TEX2: variants seen among roughly 807,000 people sequenced by gnomAD.
TEX2 encodes the protein testis-expressed protein 2.
Under a neutral mutation model 106.9 loss-of-function variants are expected in TEX2, and 53 were observed. The ratio of observed to expected loss-of-function variants is 0.50; its 90% CI spans 0.40 to 0.62. TEX2 has a LOEUF of 0.62. Among genes scored for constraint, TEX2 ranks in the 20% least tolerant of loss-of-function variants. The pLI is 0.00. For missense variants in TEX2, 1,207 were observed against 1,379.0 expected, an observed-to-expected ratio of 0.88 and a Z score of 1.98; for synonymous variants, 523 against 534.8, an observed-to-expected ratio of 0.98 and a Z score of 0.30.
chr17:64,227,074 A>C (rs1254442815), intron 1 of TEX2, among the ~76,000 whole-genome samples: 1 of 152,012 alleles, frequency 6.6e-6, no homozygotes, highest in Non-Finnish European at 1.5e-5. Flanking sequence ...GAAAATACAA[A>C]AATTAGCTGG....
intron 6 of TEX2, among the ~76,000 whole-genome samples, chr17:64,172,092 C>T (rs1005007126): frequency 1.5e-4 from 23 of 151,544 alleles, no homozygotes; most frequent in Non-Finnish European, 1.8e-4. Flanking sequence ...CAGTGGCTCA[C>T]GCCTGTAATC....
chr17:64,246,276 C>G (rs1053803698), intron 1 of TEX2, among the ~76,000 whole-genome samples: 1 of 152,154 alleles, frequency 6.6e-6, no homozygotes, highest in Admixed American at 6.5e-5. Flanking sequence ...GACAGAGTCT[C>G]GCTCTGTTGC....
chr17:64,200,236 T>C (rs578081289), intron 2 of TEX2, among the ~76,000 whole-genome samples: 20 of 152,330 alleles, frequency 1.3e-4, no homozygotes, highest in Admixed American at 1.1e-3. Context: ...AAACAAGACA[T>C]ACAGGCATGT....
chr17:64,187,471 G>C (rs986365814), intron 5 of TEX2, among the ~76,000 whole-genome samples: 3 of 151,900 alleles, frequency 2.0e-5, no homozygotes, highest in African/African-American at 7.3e-5. Flanking sequence ...ACCACCTACT[G>C]TCACTACCTT....
At chr17:64,179,624 C>A (rs1371437014) in intron 5 of TEX2, among the ~76,000 whole-genome samples, 1 of 152,184 alleles carries the variant, frequency 6.6e-6, no homozygotes, top group Non-Finnish European at 1.5e-5. Flanking sequence ...ACATACATTG[C>A]CACAGCCTGT....
intron 1 of TEX2, among the ~76,000 whole-genome samples, chr17:64,234,963 G>T (rs188533136): frequency 6.6e-6 from 1 of 152,042 alleles, no homozygotes; most frequent in Non-Finnish European, 1.5e-5. Context: ...TTTAGGTACT[G>T]GGCAGCGCAT....
At chr17:64,247,306 A>T (rs2034007666) in intron 1 of TEX2, among the ~76,000 whole-genome samples, 1 of 151,886 alleles carries the variant, frequency 6.6e-6, no homozygotes, top group Admixed American at 6.6e-5. Context: ...AGAAAGAAAG[A>T]AGAAGGCAGA....
rs2033210646 is a variant in TEX2 at position 64,217,178 on chromosome 17, C to T, written c.-25-2936G>A. Among the ~76,000 whole-genome samples, 1 of 152,194 alleles carries T rather than the reference C, an allele frequency of 6.6e-6. No homozygotes were observed. Among genetic ancestry groups the T allele is most frequent in the South Asian group, 2.1e-4 (1 of 4,834 alleles). ...GCTGGGTAATTGAGTGTGCTAGAACCAGAGACCATGGTTTGGGCTCTAGAC... is the reference window on the plus strand; with the variant it reads ...GCTGGGTAATTGAGTGTGCTAGAACTAGAGACCATGGTTTGGGCTCTAGAC... On this transcript the variant is annotated intron_variant, in intron 1 of 11. Coordinates refer to ENST00000584379, the MANE Select transcript of TEX2 (RefSeq NM_001288732.2). The surrounding 1 kb of genome is among the most constrained non-coding windows in gnomAD (Gnocchi z 4.3).
intron 8 of TEX2, among the ~76,000 whole-genome samples, chr17:64,157,912 T>C (rs541214135): frequency 6.6e-6 from 1 of 152,302 alleles, no homozygotes; most frequent in East Asian, 1.9e-4. Context: ...CCAAGTGCCT[T>C]ATAGGAAACA....
intron 8 of TEX2, chr17:64,155,584 AC>A (rs2030584426): frequency 6.6e-6 from 1 of 152,184 alleles, no homozygotes; most frequent in South Asian, 2.1e-4. Flanking sequence ...ATACACACAC[AC>A]ACACAAAAAG....
chr17:64,223,357 C>CTTTT (rs71158308), intron 1 of TEX2, among the ~76,000 whole-genome samples: 14 of 113,086 alleles, frequency 1.2e-4, no homozygotes, highest in Admixed American at 5.4e-4. Context: ...CTGAATCTGG[C>CTTTT]TTTTTTTTTT....
At chr17:64,237,893 T>G (rs782074166) in intron 1 of TEX2, among the ~76,000 whole-genome samples, 3 of 152,130 alleles carry the variant, frequency 2.0e-5, no homozygotes, top group Non-Finnish European at 2.9e-5. Flanking sequence ...AGACTAACAG[T>G]TCCTTACAAA....
At chr17:64,177,875 G>A (rs1009576923) in intron 5 of TEX2, among the ~76,000 whole-genome samples, 3 of 152,126 alleles carry the variant, frequency 2.0e-5, no homozygotes, top group Admixed American at 6.5e-5. Context: ...GTGCTCATCC[G>A]GGCAGACGCC....
Position 64,213,383 on chromosome 17 carries a change from T to C in TEX2, c.835A>G (p.Lys279Glu). Residue 279 changes from lysine (K) to glutamate (E), a missense_variant, in exon 2 of 12, where the codon AAA becomes GAA. Physicochemically the swap from Lys to Glu is moderately conservative, Grantham distance 56. Around this residue, in one of 3 missense-constraint regions of TEX2, gnomAD observed 1,067 missense variants for 1,193.6 expected, o/e 0.89. Transcript: ENST00000584379. This position sits in a 1 kb window ranked among gnomAD's most constrained non-coding sequence, Gnocchi z 4.4. The part of the protein sequence containing the change: ...TSPSDTRSFF[K>E]VPEMEAKIED... ...ATTTTAGCCTCCATTTCGGGCACTT[T>C]AAAAAAGGAACGAGTATCAGAGGGA... 6.2e-7 allele frequency: 1 copy of C among 1,613,986 alleles called. No individual in the cohort carries two copies. The highest frequency in any genetic ancestry group is 8.5e-7 in the Non-Finnish European group (1 of 1,180,014).
intron 1 of TEX2, among the ~76,000 whole-genome samples, chr17:64,247,344 A>C (rs2034008497): frequency 6.6e-6 from 1 of 152,130 alleles, no homozygotes; most frequent in South Asian, 2.1e-4. Context: ...AAAAGAGGCA[A>C]ACCCAAGAAA....
At chr17:64,225,945 T>C (rs1315829285) in intron 1 of TEX2, among the ~76,000 whole-genome samples, 1 of 152,184 alleles carries the variant, frequency 6.6e-6, no homozygotes, top group Non-Finnish European at 1.5e-5. Context: ...CTTGAACTCC[T>C]GGCCTCAGGT....
chr17:64,245,414 C>T (rs1412932836), intron 1 of TEX2, among the ~76,000 whole-genome samples: 1 of 152,158 alleles, frequency 6.6e-6, no homozygotes, highest in Non-Finnish European at 1.5e-5. Flanking sequence ...TCTAGAAATG[C>T]TATGCCTATA....
intron 7 of TEX2, among the ~76,000 whole-genome samples, chr17:64,167,192 T>A (rs1296347547): frequency 1.3e-5 from 2 of 152,210 alleles, no homozygotes; most frequent in Non-Finnish European, 2.9e-5. Context: ...CAAGCCAACA[T>A]GGCCATTGTG....
chr17:64,251,299 C>T (rs2034086404), intron 1 of TEX2, among the ~76,000 whole-genome samples: 1 of 152,170 alleles, frequency 6.6e-6, no homozygotes, highest in African/African-American at 2.4e-5. Flanking sequence ...ACTTTGGTAC[C>T]TAGAATGCTA....
Sources: allele counts gnomAD v4.1 joint callset (sites outside exome capture counted in the v4.1 genomes callset), GRCh38; gene constraint gnomAD v4.1.1; regional missense constraint gnomAD v4.1.1; non-coding constraint Gnocchi (gnomAD v3.1); transcripts MANE v1.5; gene names NCBI Gene and HGNC (gene_info 2026-07-23, HGNC 2026-07-21).